DOCK9: variants seen among roughly 807,000 people sequenced by gnomAD.
The protein encoded by DOCK9 is dedicator of cytokinesis protein 9.
DOCK9 carries 89 observed loss-of-function variants against 263.3 expected under a neutral mutation model. The observed-to-expected ratio is 0.34, with a 90% CI of 0.28 to 0.40. The LOEUF (loss-of-function observed/expected upper bound fraction) is 0.40, where lower values mean the gene tolerates loss of function less well. Among genes scored for constraint, DOCK9 ranks in the 10% least tolerant of loss-of-function variants. The pLI is 1.00. For synonymous variants in DOCK9, 976 were observed against 973.1 expected (o/e 1.00, Z -0.06); for missense variants, 2,140 against 2,603.4 (o/e 0.82, Z 3.87).
intron 1 of DOCK9, among the ~76,000 whole-genome samples, chr13:99,021,001 CA>C (rs1442666296): frequency 6.6e-6 from 1 of 152,188 alleles, no homozygotes; most frequent in Non-Finnish European, 1.5e-5. Flanking sequence ...AGTTTACTTC[CA>C]TATCTGACAG....
At position 98,886,641 on chromosome 13, in the gene DOCK9, C is replaced by T. The variant is rs1316125852; in HGVS notation, c.2044-17G>A. On this transcript the variant is annotated splice_polypyrimidine_tract_variant and intron_variant, in intron 18 of 52. Coordinates refer to ENST00000682017, the MANE Select transcript of DOCK9 (RefSeq NM_001366683.2). ...ATAAATGCACTAAAATAAGAGTTAC[C>T]AAAGGGAAACATCACGGTTCGATTA... The T allele has an allele frequency of 6.3e-7, 1 of 1,599,928 alleles. No homozygotes were observed. Among genetic ancestry groups the T allele is most frequent in the Non-Finnish European group, 8.6e-7 (1 of 1,167,992 alleles).
chr13:98,860,117 A>G, intron 33 of DOCK9: 2 of 1,196,326 alleles, frequency 1.7e-6, no homozygotes, highest in Non-Finnish European at 1.1e-6. Context: ...TACACAATCC[A>G]ATTAAGATTT....
intron 38 of DOCK9, among the ~76,000 whole-genome samples, chr13:98,844,342 C>T (rs1594600586): frequency 1.3e-5 from 2 of 151,866 alleles, no homozygotes; most frequent in East Asian, 3.9e-4. Context: ...TCAAGACAGA[C>T]TATCTTCATA....
intron 3 of DOCK9, among the ~76,000 whole-genome samples, chr13:98,927,527 G>A (rs1417474335): frequency 6.6e-6 from 1 of 152,048 alleles, no homozygotes; most frequent in East Asian, 1.9e-4. Flanking sequence ...CTATTCTGAA[G>A]TATAAAATGT....
At chr13:98,900,314 C>T (rs2048082096) in intron 13 of DOCK9, among the ~76,000 whole-genome samples, 1 of 152,152 alleles carries the variant, frequency 6.6e-6, no homozygotes, top group African/African-American at 2.4e-5. Flanking sequence ...GCAGAAGTAA[C>T]AAAGTTGCTG....
chr13:98,883,730 C>A, intron 22 of DOCK9, 83 bp downstream of exon 22: 1 of 801,778 alleles, frequency 1.2e-6, no homozygotes, highest in Admixed American at 3.0e-5. Flanking sequence ...TAATATAACA[C>A]ATTAGGATTT....
At chr13:98,936,272 A>T (rs2054811838) in intron 2 of DOCK9, among the ~76,000 whole-genome samples, 1 of 151,980 alleles carries the variant, frequency 6.6e-6, no homozygotes, top group Admixed American at 6.6e-5. Flanking sequence ...GCCCTTCTTT[A>T]CCCCACCAGA....
chr13:99,084,333 G>T lies in DOCK9; in HGVS notation c.129+1890C>A, dbSNP rs117033374. Among the ~76,000 whole-genome samples, 147 of 152,246 alleles carry T rather than the reference G, an allele frequency of 9.7e-4. 1 individual carries two copies. Among genetic ancestry groups the T allele is most frequent in the Non-Finnish European group, 1.9e-3 (127 of 68,002 alleles). On this transcript the variant is annotated intron_variant, in intron 1 of 32. Transcript: ENST00000427887. ...ATTTCCTATTTCCCATTCAGCCAGG[G>T]GCCCTCACATGCCAGAGCAGGCCCA...
chr13:99,016,923 T>C (rs914892745), intron 1 of DOCK9, among the ~76,000 whole-genome samples: 17 of 152,214 alleles, frequency 1.1e-4, no homozygotes, highest in Non-Finnish European at 2.4e-4. Context: ...AACCCACGCA[T>C]GTAGTAAAAT....
chr13:99,071,613 T>C (rs1488433494), intron 1 of DOCK9, among the ~76,000 whole-genome samples: 2 of 151,994 alleles, frequency 1.3e-5, no homozygotes, highest in Non-Finnish European at 2.9e-5. Context: ...GTCTCAGGGG[T>C]AGCAGAGGCA....
chr13:98,863,344 C>T lies in DOCK9; in HGVS notation c.3465+26G>A, dbSNP rs775564324. 8 of 1,604,194 alleles carry T rather than the reference C, an allele frequency of 5.0e-6. No homozygotes were observed. The East Asian group carries it at 1.6e-4, about 31-fold the overall frequency. ...TAAAATAAAGGACATTATCAATGCA[C>T]ATTCCTTCCATTGGGGACCACTCAC... On this transcript the variant is annotated intron_variant, in intron 31 of 52. Transcript: ENST00000682017.
At chr13:98,926,249 A>T (rs1182163737) in intron 3 of DOCK9, among the ~76,000 whole-genome samples, 1 of 152,232 alleles carries the variant, frequency 6.6e-6, no homozygotes, top group African/African-American at 2.4e-5. Context: ...GTTCTTAAAA[A>T]GCCATGTGGC....
At chr13:98,895,171 G>T (rs545602301) in intron 15 of DOCK9, among the ~76,000 whole-genome samples, 80 of 147,166 alleles carry the variant, frequency 5.4e-4, no homozygotes, top group Non-Finnish European at 1.1e-3. Context: ...GTCAAAAAAT[G>T]GGGGAAGAGT....
At chr13:98,980,470 G>C (rs1876928000), upstream of DOCK9, among the ~76,000 whole-genome samples, 1 of 152,214 alleles carries the variant, frequency 6.6e-6, no homozygotes, top group African/African-American at 2.4e-5. Flanking sequence ...ATGATACTAT[G>C]TTCAAACTGC....
intron 1 of DOCK9, among the ~76,000 whole-genome samples, chr13:99,008,093 T>A (rs574090866): frequency 6.8e-4 from 103 of 151,730 alleles, no homozygotes; most frequent in Non-Finnish European, 1.4e-3. Context: ...TTAAATAAAA[T>A]GTTACATCTG....
intron 7 of DOCK9, among the ~76,000 whole-genome samples, chr13:98,918,953 A>AC (rs1426578585): frequency 6.6e-6 from 1 of 152,182 alleles, no homozygotes; most frequent in East Asian, 1.9e-4. Flanking sequence ...AATCCGATCT[A>AC]CCAGCACAGG....
intron 1 of DOCK9, among the ~76,000 whole-genome samples, chr13:98,967,728 A>C (rs564625793): frequency 6.6e-6 from 1 of 152,314 alleles, no homozygotes; most frequent in East Asian, 1.9e-4. Context: ...CAGGCTTTAC[A>C]ATCTCACTAC....
chr13:98,817,701 G>A (rs2091976801), intron 45 of DOCK9, among the ~76,000 whole-genome samples: 1 of 144,966 alleles, frequency 6.9e-6, no homozygotes, highest in Admixed American at 7.1e-5. Context: ...TATAAGTATT[G>A]ATATATGATA....
chr13:99,001,692 C>G (rs1253180639), intron 1 of DOCK9, among the ~76,000 whole-genome samples: 1 of 152,226 alleles, frequency 6.6e-6, no homozygotes, highest in African/African-American at 2.4e-5. Context: ...AAGGAAGACA[C>G]AGCATGGAGA....
Sources: gnomAD v4.1 joint callset for allele counts (sites outside exome capture counted in the v4.1 genomes callset) on GRCh38, gnomAD v4.1.1 for gene constraint, MANE v1.5 for transcripts, NCBI Gene and HGNC (gene_info 2026-07-23, HGNC 2026-07-21) for gene names.